SYNE1: variants seen among roughly 807,000 people sequenced by gnomAD.
SYNE1 encodes nesprin-1.
Under a neutral mutation model 1,111.0 loss-of-function variants are expected in SYNE1, and 616 were observed. The ratio of observed to expected loss-of-function variants is 0.55; its 90% CI spans 0.52 to 0.59. The LOEUF is 0.59. Among genes scored for constraint, SYNE1 ranks in the 20% least tolerant of loss-of-function variants. The pLI, the probability that SYNE1 is intolerant of heterozygous loss-of-function variation, is 0.00. For synonymous variants in SYNE1, 3,855 were observed against 3,825.8 expected, an observed-to-expected ratio of 1.01 and a Z score of -0.28; for missense variants, 10,006 against 10,417.0, an observed-to-expected ratio of 0.96 and a Z score of 1.72.
chr6:152,376,730 T>C, intron 57 of SYNE1, 46 bp downstream of exon 57: 1 of 1,611,122 alleles, frequency 6.2e-7, no homozygotes, highest in Non-Finnish European at 8.5e-7. Flanking sequence ...TTCTAGCTTC[T>C]AATTTGTATA....
chr6:152,134,131 T>C (rs1416512060), intron 142 of SYNE1: 1 of 154,060 alleles, frequency 6.5e-6, no homozygotes, highest in Non-Finnish European at 1.4e-5. Flanking sequence ...TATGCTTCCT[T>C]ATCTTCTATA....
At chr6:152,469,011 C>G (rs1349721219) in intron 16 of SYNE1, among the ~76,000 whole-genome samples, 1 of 152,140 alleles carries the variant, frequency 6.6e-6, no homozygotes, top group Non-Finnish European at 1.5e-5. Context: ...CTCCTGGCCT[C>G]AAGTGACTCT....
chr6:152,317,105 G>A lies in SYNE1; in HGVS notation c.16573-119C>T, dbSNP rs139668773. 1,071 of 1,076,506 alleles carry A rather than the reference G, an allele frequency of 9.9e-4. 3 individuals are homozygous for A. In the African/African-American group the frequency reaches 0.015, roughly 15 times the overall value. The allele number at this position is 1,076,506 out of a possible 1,614,324, so 66.7% of individuals were successfully genotyped here. A position where few individuals can be genotyped will look rare whatever the true frequency, so the allele number is the denominator to read the frequency against. Reference sequence around the variant, plus strand: ...AGGGGTTGATCATTATAATACCTATGATATTCAATGGTATCAAAAGATCGT... The same window carrying A: ...AGGGGTTGATCATTATAATACCTATAATATTCAATGGTATCAAAAGATCGT... On this transcript the variant is annotated intron_variant, in intron 86 of 145. Transcript: ENST00000367255.
In SYNE1 at chr6:152,530,645, G is replaced by A. The variant is rs144450015; in HGVS notation, c.130-4470C>T. On this transcript the variant is annotated intron_variant, in intron 4 of 145. Coordinates refer to ENST00000367255, the MANE Select transcript of SYNE1 (RefSeq NM_182961.4). ...GAAATTTTTTTTTTTTTTTTGAGAC[G>A]GAGTCTTGCTCTGTGGCCCAGTCTG... Among the ~76,000 whole-genome samples the A allele has an allele frequency of 2.0e-3, 298 of 145,414 alleles. 2 individuals carry two copies. The highest frequency in any genetic ancestry group is 7.2e-3 in the Middle Eastern group (2 of 276).
intron 128 of SYNE1, chr6:152,185,361 C>T (rs1182686868): frequency 1.3e-5 from 2 of 152,264 alleles, no homozygotes; most frequent in African/African-American, 2.4e-5. Context: ...AGACTACTTG[C>T]TCCTTAGTAG....
intron 133 of SYNE1, among the ~76,000 whole-genome samples, chr6:152,153,554 C>T (rs1394225885): frequency 6.6e-6 from 1 of 152,176 alleles, no homozygotes; most frequent in Non-Finnish European, 1.5e-5. Flanking sequence ...CAAAAAGAAT[C>T]TTATATAATC....
chr6:152,237,299 G>A (rs994356773), intron 108 of SYNE1, among the ~76,000 whole-genome samples: 2 of 137,178 alleles, frequency 1.5e-5, no homozygotes, highest in Non-Finnish European at 3.0e-5. Flanking sequence ...CTTCTATTGG[G>A]TATGCACTTT....
intron 95 of SYNE1, among the ~76,000 whole-genome samples, chr6:152,288,268 A>G (rs2094433509): frequency 6.6e-6 from 1 of 152,016 alleles, no homozygotes; most frequent in Non-Finnish European, 1.5e-5. Flanking sequence ...TCCTGTTGCC[A>G]TTCCAAATTT....
At chr6:152,568,289 CTTTTTT>C (rs10601350) in intron 3 of SYNE1, among the ~76,000 whole-genome samples, 6 of 80,308 alleles carry the variant, frequency 7.5e-5, no homozygotes, top group Admixed American at 1.7e-4. Flanking sequence ...TTATTTTATT[CTTTTTT>C]TTTTTTTTTT....
intron 3 of SYNE1, among the ~76,000 whole-genome samples, chr6:152,563,954 T>A (rs2099403030): frequency 6.6e-6 from 1 of 152,178 alleles, no homozygotes; most frequent in African/African-American, 2.4e-5. Context: ...TTTTTGAAAC[T>A]TGCAAACAAT....
Position 152,330,140 on chromosome 6 carries a change from AG to A in SYNE1, c.14544del (p.Leu4849TrpfsTer17). 6.2e-7 allele frequency: 1 copy of A among 1,614,208 alleles called. No homozygotes were observed. Among genetic ancestry groups the A allele is most frequent in the Non-Finnish European group, 8.5e-7 (1 of 1,180,030 alleles). On this transcript the variant is annotated frameshift_variant, in exon 78 of 146. Coordinates refer to ENST00000367255, the MANE Select transcript of SYNE1 (RefSeq NM_182961.4). LOFTEE classifies it high-confidence loss of function. ...HLEDLAPHLDPLAYEKARHQI... is the reference protein window; with the variant it reads ...HLEDLAPHLDXLAYEKARHQI... Reference sequence around the variant, plus strand: ...TGATGCCTGGCTTTCTCATAAGCCAAGGGGTCAAGGTGTGGGGCAAGATCTT... The same window carrying A: ...TGATGCCTGGCTTTCTCATAAGCCAAGGGTCAAGGTGTGGGGCAAGATCTT...
At chr6:152,363,374 G>C (rs1475224239) in intron 63 of SYNE1, among the ~76,000 whole-genome samples, 1 of 149,888 alleles carries the variant, frequency 6.7e-6, no homozygotes, top group Non-Finnish European at 1.5e-5. Context: ...GGCGCCTGTA[G>C]TACCAGCTAC....
chr6:152,236,036 C>A, intron 110 of SYNE1, 71 bp downstream of exon 110: 1 of 1,525,572 alleles, frequency 6.6e-7, no homozygotes. Flanking sequence ...GCCATCATCC[C>A]CCACCCGCAC....
chr6:152,409,761 G>A, intron 42 of SYNE1, 52 bp from the exon 43 acceptor site: 1 of 1,594,542 alleles, frequency 6.3e-7, no homozygotes, highest in Non-Finnish European at 8.6e-7. Flanking sequence ...CAGGAAAAGG[G>A]AGAGTTGCCT....
At chr6:152,548,619 T>C (rs960866311) in intron 3 of SYNE1, among the ~76,000 whole-genome samples, 1 of 152,184 alleles carries the variant, frequency 6.6e-6, no homozygotes, top group Non-Finnish European at 1.5e-5. Flanking sequence ...AACACAGGAC[T>C]TAGAGCTTGA....
chr6:152,168,340 T>A (rs2153064293), intron 130 of SYNE1: 1 of 596,978 alleles, frequency 1.7e-6, no homozygotes, highest in Admixed American at 2.9e-5. Context: ...CTCTGCCCGA[T>A]AACATGACAC....
At chr6:152,450,415 T>G (rs1201457383) in intron 27 of SYNE1, among the ~76,000 whole-genome samples, 1 of 152,200 alleles carries the variant, frequency 6.6e-6, no homozygotes, top group East Asian at 1.9e-4. Context: ...TGGCCAACTT[T>G]GCCTCAAAGA....
chr6:152,614,140 T>A (rs191273766), intron 3 of SYNE1, among the ~76,000 whole-genome samples: 1 of 152,034 alleles, frequency 6.6e-6, no homozygotes, highest in East Asian at 1.9e-4. Flanking sequence ...ACAAATGGGA[T>A]CTAATTAAAC....
intron 106 of SYNE1, 117 bp from the exon 107 acceptor site, chr6:152,242,557 T>C (rs1449263618): frequency 3.7e-6 from 4 of 1,080,834 alleles, no homozygotes; most frequent in Middle Eastern, 2.7e-4. Context: ...CCTTCAGGGA[T>C]GTGCCTCCTG....
Sources: gnomAD v4.1 joint callset for allele counts (sites outside exome capture counted in the v4.1 genomes callset) on GRCh38, gnomAD v4.1.1 for gene constraint, MANE v1.5 for transcripts, NCBI Gene and HGNC (gene_info 2026-07-23, HGNC 2026-07-21) for gene names.